CADM2: variants seen among roughly 807,000 people sequenced by gnomAD.
CADM2 encodes cell adhesion molecule 2, also known as immunoglobulin superfamily member 4D.
In CADM2, 12 loss-of-function variants were observed where a neutral mutation model predicts 49.8. The ratio of observed to expected loss-of-function variants is 0.24; its 90% CI spans 0.15 to 0.39. The LOEUF is 0.39. Among genes scored for constraint, CADM2 ranks in the 10% least tolerant of loss-of-function variants. CADM2 has a pLI of 1.00. For missense variants in CADM2, 378 were observed against 492.3 expected (o/e 0.77, Z 2.20); for synonymous variants, 214 against 175.4 (o/e 1.22, Z -1.74).
chr3:85,331,031 G>T (rs1268767096), intron 1 of CADM2, among the ~76,000 whole-genome samples: 5 of 151,978 alleles, frequency 3.3e-5, no homozygotes, highest in African/African-American at 1.2e-4. Context: ...TATTTATGGG[G>T]TACATGCAAT....
chr3:85,450,397 G>A (rs987801539), intron 1 of CADM2, among the ~76,000 whole-genome samples: 2 of 151,858 alleles, frequency 1.3e-5, no homozygotes, highest in Non-Finnish European at 2.9e-5. Context: ...ACGCATACAT[G>A]AGTTTCAATC....
At chr3:85,638,733 GTTTC>G (rs1462328564) in intron 1 of CADM2, among the ~76,000 whole-genome samples, 12 of 151,726 alleles carry the variant, frequency 7.9e-5, no homozygotes, top group Admixed American at 1.3e-4. Flanking sequence ...CTCCCTGAAG[GTTTC>G]TTTCTTTATC....
intron 8 of CADM2, among the ~76,000 whole-genome samples, chr3:86,017,130 GA>G (rs888971848): frequency 4.6e-4 from 68 of 146,290 alleles, no homozygotes; most frequent in African/African-American, 7.6e-4. Context: ...GGACAAGCTG[GA>G]AAAAAAATGT....
intron 1 of CADM2, among the ~76,000 whole-genome samples, chr3:85,014,523 T>A (rs770925400): frequency 1.3e-5 from 2 of 152,112 alleles, no homozygotes; most frequent in African/African-American, 2.4e-5. Context: ...GTTTCAGGCA[T>A]CTCCTGGAGG....
intron 1 of CADM2, among the ~76,000 whole-genome samples, chr3:85,314,018 G>A (rs962658434): frequency 2.6e-5 from 4 of 152,132 alleles, no homozygotes; most frequent in South Asian, 2.1e-4. Flanking sequence ...AGCCTCCCAA[G>A]TAGCTGGGAC....
At chr3:85,940,443 T>A (rs1253658901) in intron 7 of CADM2, among the ~76,000 whole-genome samples, 1 of 152,036 alleles carries the variant, frequency 6.6e-6, no homozygotes, top group Non-Finnish European at 1.5e-5. Context: ...TACAGTGCAA[T>A]TACCATCAGA....
At chr3:85,827,555 A>T (rs1427212635) in intron 3 of CADM2, among the ~76,000 whole-genome samples, 1 of 151,956 alleles carries the variant, frequency 6.6e-6, no homozygotes, top group East Asian at 1.9e-4. Context: ...TATTTATGGA[A>T]AGCTTAATCA....
At chr3:85,208,489 C>T (rs2107762553) in intron 1 of CADM2, among the ~76,000 whole-genome samples, 1 of 152,132 alleles carries the variant, frequency 6.6e-6, no homozygotes, top group South Asian at 2.1e-4. Context: ...GGGAAAAATG[C>T]ATTTGCAGGG....
At chr3:85,124,106 TA>T (rs1459336045) in intron 1 of CADM2, among the ~76,000 whole-genome samples, 1 of 152,206 alleles carries the variant, frequency 6.6e-6, no homozygotes, top group Non-Finnish European at 1.5e-5. Context: ...GGGGCCCTTC[TA>T]AGTTAGGGAT....
intron 1 of CADM2, among the ~76,000 whole-genome samples, chr3:85,725,374 A>G (rs2067659739): frequency 6.6e-6 from 1 of 151,932 alleles, no homozygotes; most frequent in South Asian, 2.1e-4. Flanking sequence ...TTTCATGTGT[A>G]GTTCATAATT....
intron 1 of CADM2, among the ~76,000 whole-genome samples, chr3:85,028,141 G>A (rs1358806069): frequency 6.6e-6 from 1 of 152,090 alleles, no homozygotes. Flanking sequence ...AATCTGCACT[G>A]GGTATTTTTA....
At chr3:85,093,043 A>C (rs2037657152) in intron 1 of CADM2, among the ~76,000 whole-genome samples, 1 of 152,092 alleles carries the variant, frequency 6.6e-6, no homozygotes, top group African/African-American at 2.4e-5. Flanking sequence ...TTTCCCTAAC[A>C]TCTACTTACT....
chr3:85,097,940 G>A (rs1449103869), intron 1 of CADM2, among the ~76,000 whole-genome samples: 1 of 152,040 alleles, frequency 6.6e-6, no homozygotes, highest in Non-Finnish European at 1.5e-5. Flanking sequence ...CCAATTTAGT[G>A]GAATATAAAT....
chr3:86,058,221 A>G (rs573100479), intron 8 of CADM2, among the ~76,000 whole-genome samples: 1 of 152,174 alleles, frequency 6.6e-6, no homozygotes, highest in Admixed American at 6.6e-5. Flanking sequence ...GACACTTAGA[A>G]TGGTTCACAG....
At chr3:85,867,195 T>C (rs2075755405) in intron 3 of CADM2, among the ~76,000 whole-genome samples, 1 of 152,124 alleles carries the variant, frequency 6.6e-6, no homozygotes, top group African/African-American at 2.4e-5. Context: ...AGACAGTGTC[T>C]ATGTCTACTT....
chr3:85,683,968 AGCAGATAGC>A (rs1426485823), intron 1 of CADM2, among the ~76,000 whole-genome samples: 2 of 152,170 alleles, frequency 1.3e-5, no homozygotes, highest in Non-Finnish European at 2.9e-5. Flanking sequence ...GTAGTGCTAT[AGCAGATAGC>A]CACCTTCCTC....
At chr3:85,088,652 T>C (rs1276160362) in intron 1 of CADM2, among the ~76,000 whole-genome samples, 1 of 152,114 alleles carries the variant, frequency 6.6e-6, no homozygotes, top group Non-Finnish European at 1.5e-5. Flanking sequence ...TAAAGAGTTT[T>C]GAAATTATAG....
intron 1 of CADM2, among the ~76,000 whole-genome samples, chr3:85,401,173 G>T (rs73845485): frequency 0.012 from 1,760 of 152,250 alleles, 37 homozygotes; most frequent in African/African-American, 0.04. Context: ...CACACTCATG[G>T]GGGGACCTGC....
chr3:85,920,785 C>T (rs546492337), intron 6 of CADM2, among the ~76,000 whole-genome samples: 3 of 151,386 alleles, frequency 2.0e-5, no homozygotes, highest in East Asian at 3.9e-4. Context: ...TAGTACGTAA[C>T]AATTTGTGTG....
Sources: allele counts gnomAD v4.1 joint callset (sites outside exome capture counted in the v4.1 genomes callset), GRCh38; gene constraint gnomAD v4.1.1; transcripts MANE v1.5; gene names NCBI Gene and HGNC (gene_info 2026-07-23, HGNC 2026-07-21).